CDH13: variants seen among roughly 807,000 people sequenced by gnomAD.
CDH13 encodes the protein cadherin-13.
A neutral mutation model predicts 63.8 loss-of-function variants in CDH13; 24 were observed. That is an observed-to-expected ratio of 0.38 (90% CI 0.27 to 0.53). CDH13 has a LOEUF of 0.53. Ranked by LOEUF, CDH13 falls within the 20% of genes least tolerant of loss-of-function variation. CDH13 has a pLI of 0.85. For synonymous variants in CDH13, 503 were observed against 355.3 expected, an observed-to-expected ratio of 1.42 and a Z score of -4.67; for missense variants, 1,049 against 903.1, an observed-to-expected ratio of 1.16 and a Z score of -2.07.
At position 83,057,693 on chromosome 16, in the gene CDH13, C is replaced by T. The variant is rs181536881; in HGVS notation, c.366+25475C>T. On this transcript the variant is annotated intron_variant, in intron 3 of 13. Coordinates refer to ENST00000567109, the MANE Select transcript of CDH13 (RefSeq NM_001257.5). ...TTCTAGCCTTTCTTCCTGGCCATTC[C>T]CTTTGACCTGAGCTGTCTTGAATAT... Among the ~76,000 whole-genome samples the T allele has an allele frequency of 2.0e-5, 3 of 152,114 alleles. No homozygotes were observed. The East Asian group carries it at 5.8e-4, about 30-fold the overall frequency.
At chr16:83,761,658 T>C (rs1913978281) in intron 11 of CDH13, among the ~76,000 whole-genome samples, 1 of 152,210 alleles carries the variant, frequency 6.6e-6, no homozygotes, top group Non-Finnish European at 1.5e-5. Flanking sequence ...ACAGTCTGTT[T>C]ACACCTCCAT....
intron 1 of CDH13, among the ~76,000 whole-genome samples, chr16:82,852,451 T>A (rs375995235): frequency 6.6e-6 from 1 of 152,170 alleles, no homozygotes; most frequent in South Asian, 2.1e-4. Context: ...TTCCTTCCTA[T>A]TTCCATGGAT....
intron 7 of CDH13, among the ~76,000 whole-genome samples, chr16:83,533,513 A>G (rs1249798905): frequency 3.3e-5 from 5 of 151,978 alleles, no homozygotes; most frequent in Non-Finnish European, 7.4e-5. Flanking sequence ...ATAATAGCTC[A>G]TGGGCATTGC....
intron 2 of CDH13, among the ~76,000 whole-genome samples, chr16:82,940,575 G>C (rs1257753695): frequency 2.0e-5 from 3 of 152,144 alleles, no homozygotes; most frequent in African/African-American, 4.8e-5. Context: ...AGGAGAGCTG[G>C]ATTCTTCTTA....
intron 1 of CDH13, among the ~76,000 whole-genome samples, chr16:82,854,659 G>A (rs192389651): frequency 9.1e-4 from 139 of 152,202 alleles, no homozygotes; most frequent in African/African-American, 2.6e-3. Flanking sequence ...CAGATAATTC[G>A]TAATCATCTT....
chr16:82,850,169 A>C (rs777308057), intron 1 of CDH13, among the ~76,000 whole-genome samples: 19 of 152,220 alleles, frequency 1.2e-4, no homozygotes, highest in Non-Finnish European at 2.2e-4. Flanking sequence ...AATGAGTCAA[A>C]AACCTGCTGA....
intron 4 of CDH13, among the ~76,000 whole-genome samples, chr16:83,163,104 A>T (rs1452922202): frequency 6.6e-6 from 1 of 151,962 alleles, no homozygotes; most frequent in Non-Finnish European, 1.5e-5. Flanking sequence ...TAAAAATGAG[A>T]ATTTCCCTGC....
At chr16:82,698,942 T>G (rs2150987701) in intron 1 of CDH13, among the ~76,000 whole-genome samples, 1 of 152,242 alleles carries the variant, frequency 6.6e-6, no homozygotes, top group Non-Finnish European at 1.5e-5. Flanking sequence ...TAATAATCCT[T>G]TAAAAATGTA....
rs568863341 is a variant in CDH13, at chr16:82,905,351, A to T, written c.157+46878A>T. On this transcript the variant is annotated intron_variant, in intron 2 of 13. Coordinates refer to ENST00000567109, the MANE Select transcript of CDH13 (RefSeq NM_001257.5). Reference sequence around the variant, plus strand: ...TAAAACATATATGAACTAATTATATATCTGATAGTCGTTTTTAAGGAGGAA... The same window carrying T: ...TAAAACATATATGAACTAATTATATTTCTGATAGTCGTTTTTAAGGAGGAA... Among the ~76,000 whole-genome samples, 13 of 152,346 alleles carry T rather than the reference A, an allele frequency of 8.5e-5. No individual in the cohort carries two copies. In the South Asian group the frequency reaches 2.5e-3, roughly 29 times the overall value.
At chr16:82,694,454 T>C (rs1273600703) in intron 1 of CDH13, among the ~76,000 whole-genome samples, 1 of 152,224 alleles carries the variant, frequency 6.6e-6, no homozygotes, top group East Asian at 1.9e-4. Flanking sequence ...ATTGCCTTTT[T>C]AGCTGAATCA....
chr16:83,577,800 C>G (rs1458797343), intron 7 of CDH13, among the ~76,000 whole-genome samples: 2 of 152,146 alleles, frequency 1.3e-5, no homozygotes, highest in Non-Finnish European at 2.9e-5. Context: ...TCTTTTATGA[C>G]CACTAAATAA....
intron 7 of CDH13, among the ~76,000 whole-genome samples, chr16:83,506,806 A>T (rs192494222): frequency 1.6e-3 from 251 of 152,344 alleles, no homozygotes; most frequent in African/African-American, 6.0e-3. Flanking sequence ...CATGGCAAGG[A>T]ACTGAGGCCA....
At chr16:83,252,981 C>A (rs1440484824) in intron 5 of CDH13, among the ~76,000 whole-genome samples, 1 of 152,118 alleles carries the variant, frequency 6.6e-6, no homozygotes, top group Non-Finnish European at 1.5e-5. Flanking sequence ...TGTGTCTCAT[C>A]ATTATACCTA....
chr16:83,398,458 G>T (rs896588658), intron 6 of CDH13, among the ~76,000 whole-genome samples: 3 of 152,010 alleles, frequency 2.0e-5, no homozygotes. Context: ...TTTGCTATTG[G>T]ATTTAGGACC....
At chr16:83,082,049 C>G (rs568067072) in intron 3 of CDH13, among the ~76,000 whole-genome samples, 1 of 152,312 alleles carries the variant, frequency 6.6e-6, no homozygotes, top group East Asian at 1.9e-4. Flanking sequence ...ATCTGCCCGC[C>G]TCGGCCTCCC....
rs142776247 is a variant in CDH13 at position 83,105,414 on chromosome 16, C to T, written c.367-19971C>T. Among the ~76,000 whole-genome samples, 157 of 152,354 alleles carry T rather than the reference C, an allele frequency of 1.0e-3. 1 individual carries two copies. Among genetic ancestry groups the T allele is most frequent in the African/African-American group, 3.7e-3 (152 of 41,588 alleles). On this transcript the variant is annotated intron_variant, in intron 3 of 13. Transcript: ENST00000567109. ...GAGCGCAGGGTGGCTGCACCATCCA[C>T]ATCAACAGCCAGCACTGCCTTCTGC...
At chr16:83,297,497 A>C (rs989819029) in intron 5 of CDH13, among the ~76,000 whole-genome samples, 1 of 152,194 alleles carries the variant, frequency 6.6e-6, no homozygotes, top group Non-Finnish European at 1.5e-5. Context: ...CTGTTCTCAA[A>C]TAGCTCTAAC....
rs544737258 is a variant in CDH13, at chr16:82,835,428, G to A, written c.46-22934G>A. Among the ~76,000 whole-genome samples, 14 of 152,246 alleles carry A rather than the reference G, an allele frequency of 9.2e-5. No homozygotes were observed. The East Asian group carries it at 2.5e-3, about 27-fold the overall frequency. On this transcript the variant is annotated intron_variant, in intron 1 of 13. Coordinates refer to ENST00000567109, the MANE Select transcript of CDH13 (RefSeq NM_001257.5). ...AAAGCTACCCCAATTTTAGCTGGAG[G>A]GACCATATTCCAAGCTGCAAATATT... is the stretch of plus-strand genomic sequence containing the variant.
At chr16:83,700,034 C>T (rs1905981163) in intron 10 of CDH13, among the ~76,000 whole-genome samples, 1 of 152,240 alleles carries the variant, frequency 6.6e-6, no homozygotes, top group African/African-American at 2.4e-5. Context: ...ATGTGTCTAG[C>T]ATCCTCAGAA....
Sources: gnomAD v4.1 joint callset for allele counts (sites outside exome capture counted in the v4.1 genomes callset) on GRCh38, gnomAD v4.1.1 for gene constraint, MANE v1.5 for transcripts, NCBI Gene and HGNC (gene_info 2026-07-23, HGNC 2026-07-21) for gene names.